Variants in ATP2B2 observed in about 807,000 individuals in gnomAD.
ATP2B2 encodes ATPase plasma membrane Ca2+ transporting 2.
Under a neutral mutation model 120.0 loss-of-function variants are expected in ATP2B2, and 15 were observed. The ratio of observed to expected loss-of-function variants is 0.12; its 90% CI spans 0.08 to 0.19. The LOEUF is 0.19. Among genes scored for constraint, ATP2B2 ranks in the 10% least tolerant of loss-of-function variants. The pLI is 1.00. For synonymous variants in ATP2B2, 694 were observed against 700.3 expected (o/e 0.99, Z 0.14); for missense variants, 1,045 against 1,719.8 (o/e 0.61, Z 6.94).
chr3:10,655,344 T>C (rs2070589063), intron 1 of ATP2B2, among the ~76,000 whole-genome samples: 1 of 152,192 alleles, frequency 6.6e-6, no homozygotes, highest in Non-Finnish European at 1.5e-5. Context: ...GAACAGCAGC[T>C]TGGAAGCTTG....
chr3:10,575,771 T>G (rs2068230984), intron 2 of ATP2B2, among the ~76,000 whole-genome samples: 1 of 152,198 alleles, frequency 6.6e-6, no homozygotes, highest in South Asian at 2.1e-4. Context: ...GAAGTTGTGC[T>G]GGCAGGGAGG....
intron 1 of ATP2B2, among the ~76,000 whole-genome samples, chr3:10,664,069 T>C (rs1310266201): frequency 6.6e-6 from 1 of 152,054 alleles, no homozygotes; most frequent in Non-Finnish European, 1.5e-5. Context: ...AGTAGTGCCA[T>C]TACCCCCATC....
At chr3:10,558,379 G>A (rs2067826019) in intron 2 of ATP2B2, among the ~76,000 whole-genome samples, 1 of 152,144 alleles carries the variant, frequency 6.6e-6, no homozygotes, top group Non-Finnish European at 1.5e-5. Context: ...AGGACTGCAG[G>A]GAATTAAGTG....
Position 10,344,819 on chromosome 3 carries a change from G to A in ATP2B2, c.2703+565C>T, listed in dbSNP as rs73129224. Among the ~76,000 whole-genome samples the A allele has an allele frequency of 2.6e-3, 393 of 152,334 alleles. 2 individuals are homozygous for A. The highest frequency in any genetic ancestry group is 9.1e-3 in the African/African-American group (377 of 41,574). ...ATCTGGGGCCTGCCTGCCAGGCTCA[G>A]TGCATAGGGCTGCTCCAGACCCAGT... On this transcript the variant is annotated intron_variant, in intron 18 of 22. Coordinates refer to ENST00000360273, the MANE Select transcript of ATP2B2 (RefSeq NM_001001331.4).
chr3:10,391,503 C>T (rs781553596), intron 5 of ATP2B2, among the ~76,000 whole-genome samples: 1 of 152,154 alleles, frequency 6.6e-6, no homozygotes, highest in African/African-American at 2.4e-5. Flanking sequence ...AATCAGACTC[C>T]CAAATCACCT....
At chr3:10,671,242 G>A (rs1420164801) in intron 1 of ATP2B2, among the ~76,000 whole-genome samples, 1 of 152,206 alleles carries the variant, frequency 6.6e-6, no homozygotes, top group African/African-American at 2.4e-5. Flanking sequence ...GGTGGTAAAA[G>A]GGGTGGAGTG....
intron 2 of ATP2B2, among the ~76,000 whole-genome samples, chr3:10,436,785 G>A (rs1475353067): frequency 6.6e-6 from 1 of 152,118 alleles, no homozygotes. Context: ...CGGCACACAG[G>A]CAGAAACAGG....
At chr3:10,372,521 T>C (rs1398718287) in intron 11 of ATP2B2, among the ~76,000 whole-genome samples, 1 of 152,198 alleles carries the variant, frequency 6.6e-6, no homozygotes, top group Non-Finnish European at 1.5e-5. Context: ...TAAATTAGGA[T>C]ACAGGAAAAT....
chr3:10,696,687 C>G (rs974140426), intron 1 of ATP2B2, among the ~76,000 whole-genome samples: 5 of 152,206 alleles, frequency 3.3e-5, no homozygotes, highest in African/African-American at 1.2e-4. Flanking sequence ...TGCAGCTCCC[C>G]CTTTCCACCT....
chr3:10,576,783 G>A (rs1434371936), intron 2 of ATP2B2, among the ~76,000 whole-genome samples: 1 of 151,980 alleles, frequency 6.6e-6, no homozygotes, highest in African/African-American at 2.4e-5. Context: ...AAGAAGCTGG[G>A]GCCGGGCGCG....
At chr3:10,389,879 G>C (rs2061793839) in intron 5 of ATP2B2, among the ~76,000 whole-genome samples, 1 of 152,242 alleles carries the variant, frequency 6.6e-6, no homozygotes, top group Non-Finnish European at 1.5e-5. Flanking sequence ...CCCAGTCTGG[G>C]AAGTAGACAG....
intron 21 of ATP2B2, 74 bp from the exon 22 acceptor site, chr3:10,338,432 T>C (rs1054596378): frequency 3.0e-5 from 45 of 1,519,754 alleles, no homozygotes; most frequent in Non-Finnish European, 3.8e-5. Context: ...CACCCGCTCC[T>C]CTACCTCCCT....
At chr3:10,688,598 C>A (rs1436423980) in intron 1 of ATP2B2, among the ~76,000 whole-genome samples, 1 of 152,154 alleles carries the variant, frequency 6.6e-6, no homozygotes, top group Non-Finnish European at 1.5e-5. Context: ...AGAAAGCCAC[C>A]GGAGAAAGAA....
chr3:10,700,145 G>C (rs2071795697), intron 1 of ATP2B2, among the ~76,000 whole-genome samples: 1 of 152,028 alleles, frequency 6.6e-6, no homozygotes, highest in Non-Finnish European at 1.5e-5. Flanking sequence ...CTGATGACCT[G>C]GATCCCCCTC....
chr3:10,433,622 A>G (rs1210197663), intron 2 of ATP2B2, among the ~76,000 whole-genome samples: 2 of 152,204 alleles, frequency 1.3e-5, no homozygotes, highest in Non-Finnish European at 2.9e-5. Flanking sequence ...AGACGAAACC[A>G]TGAAGGTTAT....
chr3:10,352,186 C>T (rs1031081816), intron 14 of ATP2B2, among the ~76,000 whole-genome samples: 2 of 152,268 alleles, frequency 1.3e-5, no homozygotes, highest in Non-Finnish European at 2.9e-5. Flanking sequence ...CCACCACCAT[C>T]GTCTCAAGCT....
At chr3:10,435,043 G>A (rs2125116054) in intron 2 of ATP2B2, among the ~76,000 whole-genome samples, 1 of 152,340 alleles carries the variant, frequency 6.6e-6, no homozygotes, top group Non-Finnish European at 1.5e-5. Context: ...TTTGACAAAT[G>A]GTTAAGAGCA....
At chr3:10,528,938 G>A (rs1235106732) in intron 3 of ATP2B2, among the ~76,000 whole-genome samples, 2 of 152,190 alleles carry the variant, frequency 1.3e-5, no homozygotes, top group Non-Finnish European at 2.9e-5. Context: ...GGATGGGGAA[G>A]CTTAGTTAAC....
upstream of ATP2B2, chr3:10,505,766 T>G (rs2125423240): frequency 1.0e-4 from 2 of 19,872 alleles, no homozygotes; most frequent in South Asian, 1.6e-3. Flanking sequence ...GGGCCGGTTC[T>G]GGAGGGGGCA....
Sources: allele counts gnomAD v4.1 joint callset (sites outside exome capture counted in the v4.1 genomes callset), GRCh38; gene constraint gnomAD v4.1.1; transcripts MANE v1.5; gene names NCBI Gene and HGNC (gene_info 2026-07-23, HGNC 2026-07-21).